The following PDS5A variants were observed in gnomAD, a reference collection of about 807,000 sequenced individuals.
The protein encoded by PDS5A is sister chromatid cohesion protein PDS5 homolog A.
In PDS5A, 42 loss-of-function variants were observed where a neutral mutation model predicts 167.1. That is an observed-to-expected ratio of 0.25 (90% CI 0.20 to 0.33). PDS5A has a LOEUF of 0.33. Among genes scored for constraint, PDS5A ranks in the 10% least tolerant of loss-of-function variants. The probability of loss-of-function intolerance (pLI) is 1.00; values close to 1 mark genes in which losing one functional copy is unlikely to be tolerated. For missense variants in PDS5A, 1,033 were observed against 1,605.9 expected (o/e 0.64, Z 6.10); for synonymous variants, 553 against 554.6 (o/e 1.00, Z 0.04).
chr4:39,901,172 C>T (rs13126092), intron 13 of PDS5A, among the ~76,000 whole-genome samples: 33,521 of 151,622 alleles, frequency 0.22, 4,676 homozygotes, highest in Middle Eastern at 0.33. Flanking sequence ...AAACAAACAT[C>T]AAAACCTTAA....
At chr4:39,949,406 A>G (rs1728108573) in intron 2 of PDS5A, among the ~76,000 whole-genome samples, 1 of 151,866 alleles carries the variant, frequency 6.6e-6, no homozygotes, top group Admixed American at 6.6e-5. Context: ...TTCCATTTAT[A>G]TGAAATGTCC....
intron 2 of PDS5A, chr4:39,976,006 C>T (rs1049449074): frequency 1.3e-5 from 2 of 153,016 alleles, no homozygotes; most frequent in African/African-American, 4.8e-5. Flanking sequence ...AGTTTAACCA[C>T]CATATATACA....
At chr4:39,931,526 A>G (rs1266124475) in intron 2 of PDS5A, among the ~76,000 whole-genome samples, 2 of 152,140 alleles carry the variant, frequency 1.3e-5, no homozygotes, top group African/African-American at 4.8e-5. Context: ...AAGGTAACTC[A>G]TTCTTACGGT....
At chr4:39,973,575 C>A in intron 2 of PDS5A, 2 of 1,268,656 alleles carry the variant, frequency 1.6e-6, no homozygotes, top group Non-Finnish European at 1.2e-6. Context: ...GTGGTCACAG[C>A]AAAGGGTTTG....
intron 26 of PDS5A, among the ~76,000 whole-genome samples, chr4:39,853,095 C>G (rs568173865): frequency 5.5e-4 from 83 of 152,272 alleles, no homozygotes; most frequent in African/African-American, 1.9e-3. Flanking sequence ...CATGTTACAA[C>G]ACCAAGCCAA....
intron 2 of PDS5A, among the ~76,000 whole-genome samples, chr4:39,938,618 G>A (rs1412427948): frequency 2.0e-5 from 3 of 151,986 alleles, no homozygotes; most frequent in African/African-American, 7.2e-5. Flanking sequence ...GTTTGTAAAA[G>A]CCAAAAAACT....
chr4:39,977,663 G>C lies in PDS5A; in HGVS notation c.-247C>G, dbSNP rs146606833. 1 of 151,626 alleles carries C rather than the reference G, an allele frequency of 6.6e-6. No individual in the cohort carries two copies. Among genetic ancestry groups the C allele is most frequent in the African/African-American group, 2.4e-5 (1 of 41,214 alleles). The allele number at this position is 151,626 out of a possible 1,614,324, so 9.4% of individuals were successfully genotyped here. On this transcript the variant is annotated 5_prime_UTR_variant, in exon 1 of 33. Coordinates refer to ENST00000303538, the MANE Select transcript of PDS5A (RefSeq NM_001100399.2). The surrounding 1 kb of genome is among the most constrained non-coding windows in gnomAD (Gnocchi z 4.2). ...GGGGGGAGACGCGGGGCGAGTGAGC[G>C]CTGGGCGGGGAGACAGTGCCGCTCT...
intron 8 of PDS5A, 134 bp downstream of exon 8, chr4:39,916,914 C>T (rs1053618643): frequency 2.5e-4 from 117 of 476,758 alleles, no homozygotes; most frequent in Admixed American, 7.4e-4. Context: ...TATTCTTCTA[C>T]AGTTACAGAA....
chr4:39,966,918 C>T (rs1449928717), intron 2 of PDS5A, among the ~76,000 whole-genome samples: 1 of 151,626 alleles, frequency 6.6e-6, no homozygotes, highest in Non-Finnish European at 1.5e-5. Context: ...ATTGCTTGAA[C>T]CTGGGAGGTG....
rs980174419 is a variant in PDS5A, at chr4:39,891,286, G to A, written c.1771-922C>T. On this transcript the variant is annotated intron_variant, in intron 16 of 32. Transcript: ENST00000303538. Reference sequence around the variant, plus strand: ...GAACTCAGGTGATCCAACCCGCCTCGGCCTCCCAAAATGCTGGGATTATAG... The same window carrying A: ...GAACTCAGGTGATCCAACCCGCCTCAGCCTCCCAAAATGCTGGGATTATAG... 4.6e-5 allele frequency among the ~76,000 whole-genome samples: 7 copies of A among 151,254 alleles called. No homozygotes were observed. The East Asian group carries it at 8.0e-4, about 17-fold the overall frequency.
chr4:39,911,507 A>C (rs1723880495), intron 9 of PDS5A, among the ~76,000 whole-genome samples: 1 of 152,110 alleles, frequency 6.6e-6, no homozygotes, highest in African/African-American at 2.4e-5. Context: ...TTAAGAATTC[A>C]ATTAACATAC....
intron 2 of PDS5A, among the ~76,000 whole-genome samples, chr4:39,929,519 C>CTAACTATATATATATATA (rs1725774842): frequency 1.3e-5 from 1 of 79,398 alleles, no homozygotes; most frequent in Non-Finnish European, 2.2e-5. Context: ...ACTTAATAAA[C>CTAACTATATATATATATA]TATATATATA....
intron 17 of PDS5A, among the ~76,000 whole-genome samples, chr4:39,880,133 A>G (rs1720809337): frequency 6.6e-6 from 1 of 151,654 alleles, no homozygotes; most frequent in African/African-American, 2.4e-5. Context: ...ATATACAGAG[A>G]TCATTTTCAG....
At position 39,849,524 on chromosome 4, in the gene PDS5A, T is replaced by C; in HGVS notation, c.3215A>G (p.Asn1072Ser). ...CTGGCCTAACACTCATCTTACTTCA[T>C]TTGTCTTGGATTCATCTGGAGACTG... Reference protein sequence around the residue: ...DAQSPDESKTNEKLYTVCDVA... With the variant: ...DAQSPDESKTSEKLYTVCDVA... The change falls in exon 27 of 33, where the codon AAT becomes AGT. Residue 1072 changes from asparagine to serine, a missense_variant. This residue lies in a region of PDS5A where 367 missense variants were observed against 686.7 expected (regional missense o/e 0.53). Transcript: ENST00000303538. 1 of 1,609,524 alleles carries C rather than the reference T, an allele frequency of 6.2e-7. No homozygotes were observed. Among genetic ancestry groups the C allele is most frequent in the South Asian group, 1.1e-5 (1 of 90,872 alleles).
chr4:39,948,565 C>T (rs1728015934), intron 2 of PDS5A, among the ~76,000 whole-genome samples: 1 of 148,498 alleles, frequency 6.7e-6, no homozygotes, highest in Non-Finnish European at 1.5e-5. Context: ...CCTCATGATC[C>T]ACCTGCCTCG....
At chr4:39,911,699 G>A (rs2109685256) in intron 9 of PDS5A, among the ~76,000 whole-genome samples, 1 of 152,042 alleles carries the variant, frequency 6.6e-6, no homozygotes, top group South Asian at 2.1e-4. Context: ...GGGCGCACTG[G>A]CGGGCGCCTG....
intron 21 of PDS5A, among the ~76,000 whole-genome samples, chr4:39,870,897 C>T (rs186209255): frequency 1.3e-5 from 2 of 152,122 alleles, no homozygotes; most frequent in South Asian, 2.1e-4. Context: ...ACAGCCAACA[C>T]GTAGAAGCAA....
intron 2 of PDS5A, among the ~76,000 whole-genome samples, chr4:39,936,320 C>T (rs534099979): frequency 7.2e-5 from 11 of 152,292 alleles, no homozygotes; most frequent in African/African-American, 2.4e-4. Flanking sequence ...CCCCAATTCT[C>T]AGGGACAACT....
At chr4:39,845,764 C>G (rs1368939003) in intron 29 of PDS5A, 54 bp downstream of exon 29, 3 of 1,350,578 alleles carry the variant, frequency 2.2e-6, no homozygotes, top group African/African-American at 1.5e-5. Context: ...CTAGGAATAG[C>G]AGAAGCAAGA....
Sources: allele counts gnomAD v4.1 joint callset (sites outside exome capture counted in the v4.1 genomes callset), GRCh38; gene constraint gnomAD v4.1.1; regional missense constraint gnomAD v4.1.1; non-coding constraint Gnocchi (gnomAD v3.1); transcripts MANE v1.5; gene names NCBI Gene and HGNC (gene_info 2026-07-23, HGNC 2026-07-21).